Variants in TENM3 observed in about 807,000 individuals in gnomAD.
The protein encoded by TENM3 is teneurin-3.
A neutral mutation model predicts 255.1 loss-of-function variants in TENM3; 63 were observed. The observed-to-expected ratio is 0.25, with a 90% confidence interval of 0.20 to 0.30. The LOEUF is 0.30. Among genes scored for constraint, TENM3 ranks in the 10% least tolerant of loss-of-function variants. TENM3 has a pLI of 1.00. For synonymous variants in TENM3, 1,306 were observed against 1,322.3 expected, an observed-to-expected ratio of 0.99 and a Z score of 0.27; for missense variants, 2,929 against 3,461.1, an observed-to-expected ratio of 0.85 and a Z score of 3.86.
At chr4:181,724,503 T>G in the TENM3 span, among the ~76,000 whole-genome samples, 1 of 152,220 alleles carries the variant, frequency 6.6e-6, no homozygotes, top group African/African-American at 2.4e-5. Context: ...GCTCTTTGTT[T>G]TCTAAAGTAA....
At chr4:182,607,775 A>G (rs73006939) in intron 4 of TENM3, among the ~76,000 whole-genome samples, 6,668 of 152,286 alleles carry the variant, frequency 0.044, 477 homozygotes, top group African/African-American at 0.15. Context: ...TAATTTCAAT[A>G]AATTGCAGAT....
At chr4:182,066,843 G>A in the TENM3 span, among the ~76,000 whole-genome samples, 18 of 152,000 alleles carry the variant, frequency 1.2e-4, no homozygotes, top group Non-Finnish European at 1.8e-4. Flanking sequence ...CCCGGGAGGC[G>A]GAGCTTGCAG....
chr4:181,921,008 T>C, the TENM3 span, among the ~76,000 whole-genome samples: 1 of 152,214 alleles, frequency 6.6e-6, no homozygotes, highest in African/African-American at 2.4e-5. Context: ...CCCCATTGCT[T>C]ATTTTTCTCA....
At chr4:182,762,386 G>GTGAT (rs1017016245) in intron 22 of TENM3, among the ~76,000 whole-genome samples, 32 of 152,150 alleles carry the variant, frequency 2.1e-4, no homozygotes, top group African/African-American at 7.2e-4. Flanking sequence ...CCCTTACACG[G>GTGAT]TGATTGTCAG....
the TENM3 span, among the ~76,000 whole-genome samples, chr4:181,678,359 G>T: frequency 6.6e-6 from 1 of 152,078 alleles, no homozygotes; most frequent in African/African-American, 2.4e-5. Context: ...GTGAGGGGTT[G>T]GTAGGGCTTA....
intron 3 of TENM3, among the ~76,000 whole-genome samples, chr4:182,526,963 T>C (rs17073536): frequency 0.18 from 27,183 of 151,616 alleles, 4,083 homozygotes; most frequent in African/African-American, 0.41. Flanking sequence ...TTCGCTCCTT[T>C]CTGAGTTCTT....
the TENM3 span, among the ~76,000 whole-genome samples, chr4:181,448,259 C>T: frequency 5.8e-5 from 8 of 138,080 alleles, no homozygotes; most frequent in South Asian, 5.1e-4. Context: ...CTCCGCCTCC[C>T]GGGTTCACGC....
At chr4:181,547,218 C>G in the TENM3 span, among the ~76,000 whole-genome samples, 1 of 152,048 alleles carries the variant, frequency 6.6e-6, no homozygotes, top group Admixed American at 6.6e-5. Flanking sequence ...TAATTAATAT[C>G]TTCAGAAACA....
chr4:182,615,327 G>T (rs1340809896), intron 4 of TENM3, among the ~76,000 whole-genome samples: 4 of 152,180 alleles, frequency 2.6e-5, no homozygotes, highest in Non-Finnish European at 4.4e-5. Context: ...AAGGTTGAGA[G>T]TGGAGAACTA....
intron 1 of TENM3, among the ~76,000 whole-genome samples, chr4:182,256,676 G>T (rs1758422006): frequency 6.6e-6 from 1 of 152,126 alleles, no homozygotes; most frequent in Admixed American, 6.5e-5. Flanking sequence ...TCCAAAAAAA[G>T]ATCATAGCAT....
chr4:182,225,616 C>G (rs530972033), intron 1 of TENM3, among the ~76,000 whole-genome samples: 2 of 152,178 alleles, frequency 1.3e-5, no homozygotes, highest in African/African-American at 4.8e-5. Flanking sequence ...ATCTGAGGCC[C>G]ACGGGAGGAG....
chr4:181,699,166 C>T, the TENM3 span, among the ~76,000 whole-genome samples: 32 of 152,228 alleles, frequency 2.1e-4, no homozygotes, highest in South Asian at 5.2e-3. Flanking sequence ...CATAGTGGCT[C>T]ACACCTGTAA....
At chr4:182,399,038 G>C (rs1184585444) in intron 3 of TENM3, among the ~76,000 whole-genome samples, 2 of 152,070 alleles carry the variant, frequency 1.3e-5, no homozygotes, top group Non-Finnish European at 2.9e-5. Flanking sequence ...GATAAGTCTG[G>C]GCTCTGTCGG....
chr4:182,745,773 A>T (rs1579322638), intron 19 of TENM3, among the ~76,000 whole-genome samples: 1 of 151,910 alleles, frequency 6.6e-6, no homozygotes, highest in East Asian at 1.9e-4. Flanking sequence ...GACTTATTTC[A>T]CAATCATTTT....
the TENM3 span, among the ~76,000 whole-genome samples, chr4:181,448,470 C>T: frequency 2.6e-5 from 4 of 151,934 alleles, no homozygotes; most frequent in African/African-American, 7.2e-5. Flanking sequence ...CGCGCCCGGC[C>T]GAAATCCAGT....
intron 1 of TENM3, among the ~76,000 whole-genome samples, chr4:182,202,981 C>T (rs559536447): frequency 2.0e-5 from 3 of 151,854 alleles, no homozygotes; most frequent in East Asian, 2.0e-4. Flanking sequence ...TTTGGGAGGC[C>T]GGGGCGGGTG....
chr4:182,761,523 A>C lies in TENM3; in HGVS notation c.4892+6264A>C, dbSNP rs578134044. Reference sequence around the variant, plus strand: ...GCCATCCAACCCTAAAAACTGAAACACTGAACCTTGCATCATTGTTATTTC... The same window carrying C: ...GCCATCCAACCCTAAAAACTGAAACCCTGAACCTTGCATCATTGTTATTTC... On this transcript the variant is annotated intron_variant, in intron 22 of 27. Coordinates refer to ENST00000511685, the MANE Select transcript of TENM3 (RefSeq NM_001080477.4). Among the ~76,000 whole-genome samples the C allele has an allele frequency of 8.5e-5, 13 of 152,224 alleles. 1 individual carries two copies. The South Asian group carries it at 2.5e-3, about 29-fold the overall frequency.
intron 3 of TENM3, among the ~76,000 whole-genome samples, chr4:182,506,157 A>G (rs1311634533): frequency 6.6e-6 from 1 of 152,232 alleles, no homozygotes; most frequent in African/African-American, 2.4e-5. Flanking sequence ...CTTAATAGTT[A>G]CTTACCATCG....
In TENM3 at chr4:182,774,817, C is replaced by T. The variant is rs1764544275; in HGVS notation, c.5069-101C>T. ...AGGACATCATCAGGTACTCCTTATT[C>T]CTAGTCAACTTTTAGAAATTTAGAA... On this transcript the variant is annotated intron_variant, in intron 23 of 27. Transcript: ENST00000511685. 3 of 764,264 alleles carry T rather than the reference C, an allele frequency of 3.9e-6. No individual in the cohort carries two copies. The East Asian group carries it at 8.1e-5, about 21-fold the overall frequency. The allele number at this position is 764,264 out of a possible 1,614,324, so 47.3% of individuals were successfully genotyped here.
Sources: allele counts gnomAD v4.1 joint callset (sites outside exome capture counted in the v4.1 genomes callset), GRCh38; gene constraint gnomAD v4.1.1; transcripts MANE v1.5; gene names NCBI Gene and HGNC (gene_info 2026-07-23, HGNC 2026-07-21).